Variants in SCRG1 observed in about 807,000 individuals in gnomAD.
SCRG1 encodes the protein stimulator of chondrogenesis 1, also known as scrapie-responsive protein 1.
In SCRG1, 3 loss-of-function variants were observed where a neutral mutation model predicts 7.7. The observed-to-expected ratio is 0.39, with a 90% CI of 0.18 to 1.01. The LOEUF (loss-of-function observed/expected upper bound fraction) is 1.01, where lower values mean the gene tolerates loss of function less well. Among genes scored for constraint, SCRG1 ranks in the 50% least tolerant of loss-of-function variants. SCRG1 has a pLI of 0.36. For synonymous variants in SCRG1, 46 were observed against 41.2 expected, an observed-to-expected ratio of 1.12 and a Z score of -0.44; for missense variants, 110 against 117.2, an observed-to-expected ratio of 0.94 and a Z score of 0.28.
At chr4:173,468,862 C>T in the SCRG1 span, 1 of 152,168 alleles carries the variant, frequency 6.6e-6, no homozygotes, top group Non-Finnish European at 1.5e-5. Context: ...AAATCAAGGA[C>T]TGAGTCTTAT....
chr4:173,465,597 G>A, the SCRG1 span, among the ~76,000 whole-genome samples: 108 of 150,016 alleles, frequency 7.2e-4, no homozygotes, highest in African/African-American at 2.4e-3. Flanking sequence ...TGGCCTAGGT[G>A]AGGGGATTTT....
upstream of SCRG1, among the ~76,000 whole-genome samples, chr4:173,409,294 T>C (rs982078285): frequency 4.6e-5 from 7 of 152,164 alleles, no homozygotes; most frequent in African/African-American, 1.4e-4. Context: ...CTCTTAACAT[T>C]ATAACAGGGG....
At chr4:173,390,740 C>G (rs1739411576) in intron 2 of SCRG1, among the ~76,000 whole-genome samples, 1 of 152,180 alleles carries the variant, frequency 6.6e-6, no homozygotes, top group Admixed American at 6.5e-5. Flanking sequence ...CTGCCCAACT[C>G]AGCCTCCCAA....
At chr4:173,389,684 C>G (rs1739368142) in intron 2 of SCRG1, 1 of 187,176 alleles carries the variant, frequency 5.3e-6, no homozygotes, top group African/African-American at 2.4e-5. Flanking sequence ...AGCTGCTGTT[C>G]TGGGAACCAC....
At chr4:173,462,709 A>G in the SCRG1 span, among the ~76,000 whole-genome samples, 2 of 152,238 alleles carry the variant, frequency 1.3e-5, no homozygotes, top group African/African-American at 4.8e-5. Flanking sequence ...TTAAGTAGAA[A>G]GACTAAAAGA....
chr4:173,486,023 C>T, the SCRG1 span, among the ~76,000 whole-genome samples: 1 of 152,098 alleles, frequency 6.6e-6, no homozygotes, highest in African/African-American at 2.4e-5. Flanking sequence ...TCTTCATAAA[C>T]TATGTCAAAG....
chr4:173,512,454 T>G, the SCRG1 span, among the ~76,000 whole-genome samples: 1 of 152,238 alleles, frequency 6.6e-6, no homozygotes, highest in Middle Eastern at 3.2e-3. Flanking sequence ...ATGGAAGACG[T>G]GGATACTTAG....
At chr4:173,488,711 T>A in the SCRG1 span, among the ~76,000 whole-genome samples, 1 of 152,198 alleles carries the variant, frequency 6.6e-6, no homozygotes, top group Non-Finnish European at 1.5e-5. Flanking sequence ...GTTTTGCAAA[T>A]GTTTTGCAAT....
At chr4:173,513,468 A>C in the SCRG1 span, among the ~76,000 whole-genome samples, 1 of 152,248 alleles carries the variant, frequency 6.6e-6, no homozygotes, top group Non-Finnish European at 1.5e-5. Context: ...GGAAGGGAGC[A>C]AACTGCTCAG....
the SCRG1 span, among the ~76,000 whole-genome samples, chr4:173,502,123 G>A: frequency 1.3e-5 from 2 of 151,562 alleles, no homozygotes; most frequent in Non-Finnish European, 2.9e-5. The surrounding 1 kb of genome is among the most constrained non-coding windows in gnomAD (Gnocchi z 4.6). Context: ...AGTATTGCAC[G>A]CCTGGACTTC....
the SCRG1 span, among the ~76,000 whole-genome samples, chr4:173,444,952 C>T: frequency 2.6e-5 from 4 of 151,906 alleles, no homozygotes; most frequent in Non-Finnish European, 4.4e-5. Context: ...TCCAAGAAAG[C>T]GTAATAATTG....
chr4:173,483,108 ATATATTTTATATATAATG>A, the SCRG1 span, among the ~76,000 whole-genome samples: 2 of 115,320 alleles, frequency 1.7e-5, no homozygotes, highest in South Asian at 4.9e-4. Context: ...TATATATTAC[ATATATTTTATATATAATG>A]TATATTTTAT....
At chr4:173,434,754 C>T in the SCRG1 span, among the ~76,000 whole-genome samples, 1 of 152,290 alleles carries the variant, frequency 6.6e-6, no homozygotes, top group African/African-American at 2.4e-5. Context: ...TTGCTCGAAC[C>T]TGGGAGGCGG....
At chr4:173,497,462 C>T in the SCRG1 span, among the ~76,000 whole-genome samples, 3 of 151,912 alleles carry the variant, frequency 2.0e-5, no homozygotes, top group Admixed American at 6.6e-5. Context: ...CTACACATCC[C>T]GGGAAAACAT....
the SCRG1 span, among the ~76,000 whole-genome samples, chr4:173,471,132 TAGTC>T: frequency 6.6e-6 from 1 of 152,204 alleles, no homozygotes; most frequent in African/African-American, 2.4e-5. Flanking sequence ...AGTAGAGTCA[TAGTC>T]AGAAAAAAGA....
the SCRG1 span, among the ~76,000 whole-genome samples, chr4:173,487,624 T>A: frequency 6.6e-6 from 1 of 152,220 alleles, no homozygotes; most frequent in Non-Finnish European, 1.5e-5. Context: ...TTCAGGATGT[T>A]AATTCTTAGA....
the SCRG1 span, among the ~76,000 whole-genome samples, chr4:173,442,329 C>T: frequency 6.6e-6 from 1 of 152,204 alleles, no homozygotes; most frequent in East Asian, 1.9e-4. Context: ...TGATGTGCCT[C>T]TTAGAGCTTC....
chr4:173,506,821 A>C, the SCRG1 span, among the ~76,000 whole-genome samples: 1 of 152,160 alleles, frequency 6.6e-6, no homozygotes, highest in African/African-American at 2.4e-5. This position sits in a 1 kb window ranked among gnomAD's most constrained non-coding sequence, Gnocchi z 5.3. Context: ...AGTCCAGTCC[A>C]GGGTAACTGG....
At chr4:173,397,643 T>C (rs1048523831) in intron 1 of SCRG1, among the ~76,000 whole-genome samples, 2 of 152,230 alleles carry the variant, frequency 1.3e-5, no homozygotes, top group African/African-American at 4.8e-5. Context: ...ATTTTGATTC[T>C]GTCTGAGGGC....
Sources: gnomAD v4.1 joint callset for allele counts (sites outside exome capture counted in the v4.1 genomes callset) on GRCh38, gnomAD v4.1.1 for gene constraint, Gnocchi (gnomAD v3.1) non-coding constraint, MANE v1.5 for transcripts, NCBI Gene and HGNC (gene_info 2026-07-23, HGNC 2026-07-21) for gene names.